CNTN4: variants seen among roughly 807,000 people sequenced by gnomAD.
CNTN4 encodes the protein contactin-4.
In CNTN4, 77 loss-of-function variants were observed where a neutral mutation model predicts 122.5. That is an observed-to-expected ratio of 0.63 (90% CI 0.52 to 0.76). The LOEUF (loss-of-function observed/expected upper bound fraction) is 0.76. Among genes scored for constraint, CNTN4 ranks in the 30% least tolerant of loss-of-function variants. The pLI, the probability that CNTN4 is intolerant of heterozygous loss-of-function variation, is 0.00. For missense variants in CNTN4, 1,256 were observed against 1,259.1 expected (o/e 1.00, Z 0.04); for synonymous variants, 512 against 447.0 (o/e 1.15, Z -1.83).
Position 3,045,197 on chromosome 3 carries a change from C to T in CNTN4, c.2811+1493C>T, listed in dbSNP as rs144194057. Among the ~76,000 whole-genome samples, 153 of 152,354 alleles carry T rather than the reference C, an allele frequency of 1.0e-3. No individual in the cohort carries two copies. In the East Asian group the frequency reaches 0.021, roughly 21 times the overall value. ...GGAGGCCTGCCTGCCTCCTTGCCCT[C>T]TGGGGGCAGGGCATAGCCAAACAAA... On this transcript the variant is annotated intron_variant, in intron 23 of 24. Transcript: ENST00000418658.
At chr3:2,177,288 C>T (rs1027871499) in intron 2 of CNTN4, among the ~76,000 whole-genome samples, 1 of 152,060 alleles carries the variant, frequency 6.6e-6, no homozygotes, top group Non-Finnish European at 1.5e-5. Flanking sequence ...ATGTGATTTT[C>T]ATGTATTTTA....
At chr3:3,032,476 G>A (rs1699252038) in intron 16 of CNTN4, among the ~76,000 whole-genome samples, 1 of 152,166 alleles carries the variant, frequency 6.6e-6, no homozygotes, top group Non-Finnish European at 1.5e-5. Flanking sequence ...CAGTTAATAA[G>A]GCCAATAAAT....
At chr3:2,735,234 C>T (rs906536289) in intron 4 of CNTN4, among the ~76,000 whole-genome samples, 26 of 152,086 alleles carry the variant, frequency 1.7e-4, no homozygotes, top group African/African-American at 6.0e-4. Flanking sequence ...CAGAGTCTTC[C>T]AGGAAAAAGA....
chr3:2,852,911 C>G (rs1048907753), intron 7 of CNTN4, among the ~76,000 whole-genome samples: 1 of 151,950 alleles, frequency 6.6e-6, no homozygotes, highest in Non-Finnish European at 1.5e-5. Context: ...TCTTGCAAGT[C>G]TTTGTGTTAT....
chr3:2,971,526 T>C (rs1469307843), intron 13 of CNTN4, among the ~76,000 whole-genome samples: 2 of 152,196 alleles, frequency 1.3e-5, no homozygotes, highest in Non-Finnish European at 2.9e-5. Flanking sequence ...TGCAAATCTT[T>C]ACATCTAACA....
At chr3:2,616,940 G>A (rs566866133) in intron 4 of CNTN4, among the ~76,000 whole-genome samples, 176 of 152,162 alleles carry the variant, frequency 1.2e-3, no homozygotes, top group Middle Eastern at 0.01. Flanking sequence ...CTAGCCATAC[G>A]CAGAAAACTG....
chr3:2,245,648 T>G (rs1002478790), intron 2 of CNTN4, among the ~76,000 whole-genome samples: 2 of 152,070 alleles, frequency 1.3e-5, no homozygotes, highest in Non-Finnish European at 2.9e-5. Flanking sequence ...TTTAGAACTC[T>G]TAGCATTTTG....
chr3:2,115,348 T>A (rs1476753853), intron 2 of CNTN4, among the ~76,000 whole-genome samples: 1 of 152,240 alleles, frequency 6.6e-6, no homozygotes, highest in African/African-American at 2.4e-5. Context: ...AGTTCTTCCT[T>A]CTATTCCATG....
At chr3:2,434,723 A>G (rs560111745) in intron 3 of CNTN4, among the ~76,000 whole-genome samples, 4 of 152,126 alleles carry the variant, frequency 2.6e-5, no homozygotes, top group South Asian at 2.1e-4. Flanking sequence ...TATGACTACA[A>G]TTTTTTTCCA....
intron 13 of CNTN4, among the ~76,000 whole-genome samples, chr3:2,981,953 G>A (rs1001877494): frequency 1.3e-5 from 2 of 151,956 alleles, no homozygotes; most frequent in Non-Finnish European, 2.9e-5. Context: ...CGAGAGAATC[G>A]CATGTACCCA....
intron 3 of CNTN4, among the ~76,000 whole-genome samples, chr3:2,342,432 A>G (rs920447220): frequency 2.0e-5 from 3 of 152,204 alleles, no homozygotes; most frequent in Non-Finnish European, 4.4e-5. Context: ...AATATTATAA[A>G]TAAAACAAGC....
chr3:2,843,353 A>G (rs1283947586), intron 7 of CNTN4, among the ~76,000 whole-genome samples: 1 of 152,078 alleles, frequency 6.6e-6, no homozygotes, highest in Non-Finnish European at 1.5e-5. Context: ...ACCTTCAACC[A>G]TTGCAACCCC....
At chr3:2,559,204 T>A (rs1275330739) in intron 3 of CNTN4, among the ~76,000 whole-genome samples, 3 of 152,228 alleles carry the variant, frequency 2.0e-5, no homozygotes, top group African/African-American at 7.2e-5. Context: ...TACTAAGGAT[T>A]CTGGATCCAT....
At chr3:3,054,876 G>A (rs1463812443) in intron 24 of CNTN4, among the ~76,000 whole-genome samples, 2 of 152,172 alleles carry the variant, frequency 1.3e-5, no homozygotes, top group African/African-American at 2.4e-5. Flanking sequence ...AAAAAAGACT[G>A]TGGTTAGATA....
chr3:2,869,318 G>A (rs574590017), intron 8 of CNTN4, among the ~76,000 whole-genome samples: 1 of 152,070 alleles, frequency 6.6e-6, no homozygotes, highest in South Asian at 2.1e-4. Context: ...GGGAAATGAT[G>A]GGGGGTGAAA....
intron 2 of CNTN4, among the ~76,000 whole-genome samples, chr3:2,195,736 G>T (rs1322415924): frequency 6.6e-6 from 1 of 152,138 alleles, no homozygotes; most frequent in Non-Finnish European, 1.5e-5. Context: ...TTCTATTCCT[G>T]GAGGTTTGCC....
At chr3:2,622,083 GA>G (rs2082011683) in intron 4 of CNTN4, among the ~76,000 whole-genome samples, 1 of 152,114 alleles carries the variant, frequency 6.6e-6, no homozygotes, top group East Asian at 1.9e-4. Context: ...TTAAATGTTG[GA>G]AAACACCCCC....
At chr3:2,719,648 C>T (rs1037281172) in intron 4 of CNTN4, among the ~76,000 whole-genome samples, 2 of 152,010 alleles carry the variant, frequency 1.3e-5, no homozygotes, top group African/African-American at 2.4e-5. Context: ...GGTCTCAAAC[C>T]CCTGACCTCA....
chr3:2,971,346 G>A (rs1022097319), intron 13 of CNTN4, among the ~76,000 whole-genome samples: 1 of 129,432 alleles, frequency 7.7e-6, no homozygotes, highest in African/African-American at 4.1e-5. Flanking sequence ...CTGTCTGTCT[G>A]TCTGTCTATC....
Sources: allele counts gnomAD v4.1 joint callset (sites outside exome capture counted in the v4.1 genomes callset), GRCh38; gene constraint gnomAD v4.1.1; transcripts MANE v1.5; gene names NCBI Gene and HGNC (gene_info 2026-07-23, HGNC 2026-07-21).